ALMS1: variants seen among roughly 807,000 people sequenced by gnomAD.
The protein encoded by ALMS1 is centrosome-associated protein ALMS1.
In ALMS1, 271 loss-of-function variants were observed where a neutral mutation model predicts 352.2. That is an observed-to-expected ratio of 0.77 (90% confidence interval 0.70 to 0.85). The LOEUF is 0.85. ALMS1 is among the 40% of genes least tolerant of loss of function. The pLI is 0.00. For missense variants in ALMS1, 5,445 were observed against 4,870.7 expected, an observed-to-expected ratio of 1.12 and a Z score of -3.51; for synonymous variants, 1,865 against 1,761.2, an observed-to-expected ratio of 1.06 and a Z score of -1.48.
chr2:73,460,399 T>C (rs900852399), intron 9 of ALMS1, among the ~76,000 whole-genome samples: 2 of 152,180 alleles, frequency 1.3e-5, no homozygotes, highest in Non-Finnish European at 2.9e-5. Flanking sequence ...AAGAATGTGG[T>C]AATATAAAAA....
chr2:73,454,217 T>G, intron 8 of ALMS1, 150 bp downstream of exon 8: 5 of 1,394,402 alleles, frequency 3.6e-6, no homozygotes, highest in Non-Finnish European at 4.8e-6. Context: ...CTAAATGTAT[T>G]TTCCAATAGA....
chr2:73,448,214 C>G lies in ALMS1; in HGVS notation c.1687C>G (p.Gln563Glu). 1.2e-6 allele frequency: 2 copies of G among 1,614,056 alleles called. No homozygotes were observed. The highest frequency in any genetic ancestry group is 1.1e-5 in the South Asian group (1 of 91,082). The change falls in exon 8 of 23, where the codon CAG becomes GAG. Residue 563 changes from glutamine (Q) to glutamate (E), a missense_variant. Coordinates refer to ENST00000613296, the MANE Select transcript of ALMS1 (RefSeq NM_001378454.1). The part of the protein sequence containing the change: ...KVTAIPEPAD[Q>E]KTATPTVLSS... ...CACAGCTATTCCTGAACCAGCTGAC[C>G]AGAAGACTGCAACACCAACAGTACT...
rs45483291 is a variant in ALMS1, at chr2:73,453,289, T to C, written c.6762T>C (p.Asn2254=). The change falls in exon 8 of 23, where the codon AAT becomes AAC. Residue 2254 remains asparagine, a synonymous_variant. Coordinates refer to ENST00000613296, the MANE Select transcript of ALMS1 (RefSeq NM_001378454.1). ...CTGAAGAAATCCAGGATGCAGAAAA[T>C]AGTGCTAAAACTCTTAAGGAAATTC... ...VGSEEIQDAE[N]SAKTLKEIRT... 2.5e-6 allele frequency: 4 copies of C among 1,613,912 alleles called. No individual in the cohort carries two copies. The highest frequency in any genetic ancestry group is 2.5e-6 in the Non-Finnish European group (3 of 1,179,978).
rs185857659 is a variant in ALMS1, at chr2:73,544,065, A to G, written c.9908-6202A>G. Among the ~76,000 whole-genome samples the G allele has an allele frequency of 2.5e-3, 384 of 152,344 alleles. 4 individuals are homozygous for G. The highest frequency in any genetic ancestry group is 8.9e-3 in the African/African-American group (370 of 41,578). Reference sequence around the variant, plus strand: ...CATGCTGCTATAAAGACACATGCACAGGTATGTTTATTGCGGCACTATTCA... The same window carrying G: ...CATGCTGCTATAAAGACACATGCACGGGTATGTTTATTGCGGCACTATTCA... On this transcript the variant is annotated intron_variant, in intron 12 of 22. Coordinates refer to ENST00000613296, the MANE Select transcript of ALMS1 (RefSeq NM_001378454.1).
At chr2:73,390,919 C>T (rs1386266701) in intron 1 of ALMS1, among the ~76,000 whole-genome samples, 3 of 151,960 alleles carry the variant, frequency 2.0e-5, no homozygotes, top group Admixed American at 1.3e-4. Context: ...TACAGATGCG[C>T]GCCACCATGC....
At chr2:73,591,471 A>T (rs948349874) in intron 16 of ALMS1, among the ~76,000 whole-genome samples, 2 of 152,232 alleles carry the variant, frequency 1.3e-5, no homozygotes, top group African/African-American at 4.8e-5. Flanking sequence ...TAGAATTGGT[A>T]AATAATTGGC....
chr2:73,419,287 CAACAGA>C lies in ALMS1; in HGVS notation c.616_621del (p.Asn206_Arg207del), dbSNP rs777596821. On this transcript the variant is annotated inframe_deletion, in exon 3 of 23. Transcript: ENST00000613296. ...AATCAGAAAATCAAGTAAAGGAACC[CAACAGA>C]GATCTCTTCTGTTCTCCACTGCTAG... 1 of 1,613,906 alleles carries C rather than the reference CAACAGA, an allele frequency of 6.2e-7. No homozygotes were observed. The highest frequency in any genetic ancestry group is 1.3e-5 in the African/African-American group (1 of 74,902).
At position 73,608,482 on chromosome 2, in the gene ALMS1, G is replaced by T; in HGVS notation, c.12370G>T (p.Glu4124Ter). ...ACTGGTGCCATTTCTAAGGATTTAT[G>T]AGCAGCTTCCAGAAGTACAGAAAAA... ...EMIQRSKRIYEQLPEVQKKRE... is the reference protein window; with the variant it reads ...EMIQRSKRIY The change falls in exon 22 of 23, where the codon GAG becomes TAG. Residue 4124 changes from glutamate to a stop codon, truncating the protein, a stop_gained. Transcript: ENST00000613296. LOFTEE classifies it high-confidence loss of function. 1.2e-6 allele frequency: 2 copies of T among 1,613,500 alleles called. No homozygotes were observed. The highest frequency in any genetic ancestry group is 1.1e-5 in the South Asian group (1 of 90,992).
At position 73,408,631 on chromosome 2, in the gene ALMS1, T is replaced by C; in HGVS notation, c.334T>C (p.Leu112=). Residue 112 remains leucine (L), a synonymous_variant, in exon 2 of 23, where the codon TTG becomes CTG. Coordinates refer to ENST00000613296, the MANE Select transcript of ALMS1 (RefSeq NM_001378454.1). ...TGCTTTTGATTTTCAGATTGTTCCA[T>C]TGACCTGTCATGTATGGCAACAGAT... ...ERTSLEKIVP[L]TCHVWQQIVY... 1 of 1,613,208 alleles carries C rather than the reference T, an allele frequency of 6.2e-7. No individual in the cohort carries two copies. Among genetic ancestry groups the C allele is most frequent in the East Asian group, 2.2e-5 (1 of 44,828 alleles).
chr2:73,487,551 G>T (rs967535346), intron 9 of ALMS1, among the ~76,000 whole-genome samples: 1 of 152,164 alleles, frequency 6.6e-6, no homozygotes, highest in African/African-American at 2.4e-5. Context: ...CTTCCCGAAA[G>T]GCCACAGCTT....
In ALMS1 at chr2:73,393,370, T is replaced by C. The variant is rs995341876; in HGVS notation, c.324+7178T>C. 2.0e-5 allele frequency among the ~76,000 whole-genome samples: 3 copies of C among 152,288 alleles called. 1 individual carries two copies. The highest frequency in any genetic ancestry group is 4.1e-4 in the South Asian group (2 of 4,832). On this transcript the variant is annotated intron_variant, in intron 1 of 22. Transcript: ENST00000613296. ...AAGAAAGGGTTCAAACTTTATTCTT[T>C]CGTATGTGACTATCCAGCACTGTTT... is the stretch of plus-strand genomic sequence containing the variant.
chr2:73,433,722 AT>A (rs1322328357), intron 7 of ALMS1, among the ~76,000 whole-genome samples: 3 of 152,094 alleles, frequency 2.0e-5, no homozygotes. Context: ...TTTGAATAGA[AT>A]TTACTGTGAA....
At chr2:73,570,439 C>T (rs1421354150) in intron 15 of ALMS1, among the ~76,000 whole-genome samples, 4 of 152,024 alleles carry the variant, frequency 2.6e-5, no homozygotes, top group South Asian at 4.1e-4. Context: ...TTAGCAAGAG[C>T]ACTTTTAGTC....
chr2:73,385,814 T>TCCCCTCCCTCCCCCCCTC (rs1670502080), upstream of ALMS1: 2 of 677,952 alleles, frequency 3.0e-6, no homozygotes, highest in Non-Finnish European at 5.3e-6. Context: ...GCTCTCCCCT[T>TCCCCTCCCTCCCCCCCTC]CCCCTCCCTC....
chr2:73,469,858 T>C (rs906195374), intron 9 of ALMS1: 2 of 151,828 alleles, frequency 1.3e-5, no homozygotes. Flanking sequence ...TGGTATACTC[T>C]TAACAAAAAG....
In ALMS1 at chr2:73,448,783, G is replaced by A; in HGVS notation, c.2256G>A (p.Gln752=). The change falls in exon 8 of 23, where the codon CAG becomes CAA. Residue 752 remains glutamine, a synonymous_variant. Transcript: ENST00000613296. ...KVSATPGPAD[Q]KTEIPAVQSS... is the part of the protein sequence containing the mutation. ...CAGCCACTCCTGGACCAGCTGACCA[G>A]AAGACTGAGATACCAGCAGTACAGT... The A allele has an allele frequency of 6.2e-7, 1 of 1,614,094 alleles. No homozygotes were observed. Among genetic ancestry groups the A allele is most frequent in the Non-Finnish European group, 8.5e-7 (1 of 1,179,978 alleles).
chr2:73,460,910 C>T (rs1672181753), intron 9 of ALMS1, among the ~76,000 whole-genome samples: 1 of 152,200 alleles, frequency 6.6e-6, no homozygotes, highest in African/African-American at 2.4e-5. Context: ...TGCCATTGTG[C>T]AGGCTTGATT....
At chr2:73,552,050 T>A (rs184738754) in intron 13 of ALMS1, among the ~76,000 whole-genome samples, 23 of 152,308 alleles carry the variant, frequency 1.5e-4, no homozygotes, top group African/African-American at 3.9e-4. Context: ...TGGTTTTTTT[T>A]ATTTTATTTT....
At chr2:73,542,302 T>G (rs1674202479) in intron 12 of ALMS1, among the ~76,000 whole-genome samples, 2 of 152,154 alleles carry the variant, frequency 1.3e-5, no homozygotes, top group Admixed American at 1.3e-4. Flanking sequence ...GAAAAGGCCT[T>G]TGACAAAATT....
Sources: gnomAD v4.1 joint callset for allele counts (sites outside exome capture counted in the v4.1 genomes callset) on GRCh38, gnomAD v4.1.1 for gene constraint, MANE v1.5 for transcripts, NCBI Gene and HGNC (gene_info 2026-07-23, HGNC 2026-07-21) for gene names.